The following VPS13B variants were observed in gnomAD, a reference collection of about 807,000 sequenced individuals.
VPS13B encodes the protein vacuolar protein sorting 13 homolog B.
Under a neutral mutation model 426.4 loss-of-function variants are expected in VPS13B, and 285 were observed. The observed-to-expected ratio is 0.67, with a 90% CI of 0.61 to 0.74. The LOEUF is 0.74. Ranked by LOEUF, VPS13B falls within the 30% of genes least tolerant of loss-of-function variation. VPS13B has a pLI of 0.00. For synonymous variants in VPS13B, 1,676 were observed against 1,676.4 expected (o/e 1.00, Z 0.01); for missense variants, 4,537 against 4,782.6 (o/e 0.95, Z 1.51).
intron 23 of VPS13B, among the ~76,000 whole-genome samples, chr8:99,458,691 G>A (rs1284986580): frequency 6.6e-6 from 1 of 152,212 alleles, no homozygotes; most frequent in Non-Finnish European, 1.5e-5. Context: ...ATGTTTTCAT[G>A]TGTCTTTTGG....
chr8:99,827,456 C>G (rs1179017179), intron 51 of VPS13B, among the ~76,000 whole-genome samples: 1 of 148,710 alleles, frequency 6.7e-6, no homozygotes, highest in Non-Finnish European at 1.5e-5. Context: ...TGAGTCTTCT[C>G]TCTTTTCTTC....
chr8:99,340,585 C>T (rs182657057), intron 19 of VPS13B: 30 of 453,010 alleles, frequency 6.6e-5, no homozygotes, highest in South Asian at 4.5e-4. Context: ...CAAGCTTCCA[C>T]GAGAGGACCT....
intron 54 of VPS13B, among the ~76,000 whole-genome samples, chr8:99,842,806 G>A (rs1815778099): frequency 1.3e-5 from 2 of 152,120 alleles, no homozygotes; most frequent in African/African-American, 4.8e-5. Flanking sequence ...AGAAGATATT[G>A]TACTAAGTAG....
intron 17 of VPS13B, among the ~76,000 whole-genome samples, chr8:99,257,619 CTTCTT>C (rs1397358768): frequency 2.0e-5 from 3 of 152,066 alleles, no homozygotes; most frequent in Admixed American, 1.3e-4. Context: ...TTTATTATGA[CTTCTT>C]TTATTTCTTT....
Position 99,481,743 on chromosome 8 carries a change from A to T in VPS13B, c.3811A>T (p.Thr1271Ser), listed in dbSNP as rs142674934. 8.1e-4 allele frequency: 1,308 copies of T among 1,613,984 alleles called. 2 individuals are homozygous for T. The highest frequency in any genetic ancestry group is 1.7e-3 in the Admixed American group (105 of 60,010). ...TTCTCCAGTTAGAAGCAGTATAGGCACAGCTCCTCCAGATACCAGCACATG... is the reference window on the plus strand; with the variant it reads ...TTCTCCAGTTAGAAGCAGTATAGGCTCAGCTCCTCCAGATACCAGCACATG... ...PTSPVRSSIG[T>S]APPDTSTCSP... is the part of the protein sequence containing the mutation. Residue 1271 changes from threonine (T) to serine (S), a missense_variant, in exon 25 of 62, where the codon ACA becomes TCA. Coordinates refer to ENST00000357162, the MANE Select transcript of VPS13B (RefSeq NM_152564.5).
chr8:99,013,497 G>A, intron 1 of VPS13B, 150 bp downstream of exon 1: 2 of 426,428 alleles, frequency 4.7e-6, no homozygotes, highest in Non-Finnish European at 8.7e-6. Flanking sequence ...CCGAAGGGGA[G>A]CCCGCCTCAC....
rs1365788051 is a variant in VPS13B at position 99,277,525 on chromosome 8, G to C, written c.2824+2271G>C. On this transcript the variant is annotated intron_variant, in intron 19 of 61. Transcript: ENST00000357162. ...TGAGTATGATTGATGTTATAGACAAGTCATAAGTAAATCTTAAATGAAAAA... is the reference window on the plus strand; with the variant it reads ...TGAGTATGATTGATGTTATAGACAACTCATAAGTAAATCTTAAATGAAAAA... 8.5e-5 allele frequency among the ~76,000 whole-genome samples: 13 copies of C among 152,238 alleles called. No individual in the cohort carries two copies. In the South Asian group the frequency reaches 2.7e-3, roughly 32 times the overall value.
intron 54 of VPS13B, among the ~76,000 whole-genome samples, chr8:99,847,342 T>C (rs1362633261): frequency 1.3e-5 from 2 of 152,210 alleles, no homozygotes; most frequent in African/African-American, 2.4e-5. Flanking sequence ...GTACAGACAA[T>C]AATATTTTTG....
intron 3 of VPS13B, among the ~76,000 whole-genome samples, chr8:99,077,190 TA>T (rs1845174682): frequency 6.6e-6 from 1 of 151,942 alleles, no homozygotes; most frequent in African/African-American, 2.4e-5. Flanking sequence ...TTTTTTTTTT[TA>T]AAAGGAGTTT....
chr8:99,193,951 C>A (rs1195645570), intron 17 of VPS13B, among the ~76,000 whole-genome samples: 1 of 152,066 alleles, frequency 6.6e-6, no homozygotes, highest in African/African-American at 2.4e-5. Flanking sequence ...TGACTCAAGT[C>A]TAAATATGAA....
chr8:99,833,909 G>A (rs903669397), intron 52 of VPS13B, among the ~76,000 whole-genome samples: 1 of 152,184 alleles, frequency 6.6e-6, no homozygotes, highest in Non-Finnish European at 1.5e-5. Context: ...ATTAGGCTGG[G>A]AAAGGAACTT....
intron 42 of VPS13B, among the ~76,000 whole-genome samples, chr8:99,782,302 G>T (rs551068711): frequency 6.6e-6 from 1 of 152,080 alleles, no homozygotes; most frequent in East Asian, 1.9e-4. Flanking sequence ...TAGGCATTAT[G>T]CTGGATACTG....
rs576105546 is a variant in VPS13B, at chr8:99,818,547, C to T, written c.8445+13C>T. On this transcript the variant is annotated intron_variant, in intron 46 of 61. Coordinates refer to ENST00000357162, the MANE Select transcript of VPS13B (RefSeq NM_152564.5). ...GCAACAACGAATGGTGAGTGCTTTCCCAATCCTAAAATATGGTATATGACT... is the reference window on the plus strand; with the variant it reads ...GCAACAACGAATGGTGAGTGCTTTCTCAATCCTAAAATATGGTATATGACT... 2 of 1,613,484 alleles carry T rather than the reference C, an allele frequency of 1.2e-6. No homozygotes were observed. Among genetic ancestry groups the T allele is most frequent in the East Asian group, 4.5e-5 (2 of 44,866 alleles).
chr8:99,765,175 G>A (rs1372113763), intron 39 of VPS13B, among the ~76,000 whole-genome samples: 1 of 152,156 alleles, frequency 6.6e-6, no homozygotes, highest in Non-Finnish European at 1.5e-5. Context: ...GAACCCAGGG[G>A]CCAAGGTTGC....
intron 51 of VPS13B, among the ~76,000 whole-genome samples, chr8:99,828,231 T>TTGCTTTATG (rs1814808876): frequency 6.6e-6 from 1 of 152,072 alleles, no homozygotes; most frequent in African/African-American, 2.4e-5. Flanking sequence ...CTCTAAGAAC[T>TTGCTTTATG]TGCTTTATGA....
At chr8:99,145,606 C>T (rs1361036111) in intron 13 of VPS13B, among the ~76,000 whole-genome samples, 1 of 105,976 alleles carries the variant, frequency 9.4e-6, no homozygotes, top group East Asian at 4.7e-4. Context: ...TTTTGCTGAG[C>T]ATAATTCTCT....
intron 30 of VPS13B, chr8:99,536,777 G>A (rs551946708): frequency 6.1e-5 from 32 of 528,744 alleles, no homozygotes; most frequent in African/African-American, 4.2e-4. Flanking sequence ...TAGAAGTCAC[G>A]AAGCTTATGT....
At chr8:99,413,359 G>A (rs936866649) in intron 21 of VPS13B, among the ~76,000 whole-genome samples, 3 of 152,104 alleles carry the variant, frequency 2.0e-5, no homozygotes, top group Admixed American at 6.5e-5. Flanking sequence ...GGTGTTTATA[G>A]TATTCTCTGA....
chr8:99,424,985 AAC>A (rs1205888279), intron 21 of VPS13B, among the ~76,000 whole-genome samples: 1 of 152,152 alleles, frequency 6.6e-6, no homozygotes, highest in Non-Finnish European at 1.5e-5. Context: ...TATATTCCTC[AAC>A]ACATACACCC....
Sources: gnomAD v4.1 joint callset for allele counts (sites outside exome capture counted in the v4.1 genomes callset) on GRCh38, gnomAD v4.1.1 for gene constraint, MANE v1.5 for transcripts, NCBI Gene and HGNC (gene_info 2026-07-23, HGNC 2026-07-21) for gene names.